Variants in NTRK2 observed in about 807,000 individuals in gnomAD.
NTRK2 encodes neurotrophic receptor tyrosine kinase 2, also known as BDNF/NT-3 growth factors receptor.
In NTRK2, 13 loss-of-function variants were observed where a neutral mutation model predicts 94.5. The ratio of observed to expected loss-of-function variants is 0.14; its 90% CI spans 0.09 to 0.22. The LOEUF (loss-of-function observed/expected upper bound fraction) is 0.22, where lower values mean the gene tolerates loss of function less well. Among genes scored for constraint, NTRK2 ranks in the 10% least tolerant of loss-of-function variants. NTRK2 has a pLI of 1.00. For synonymous variants in NTRK2, 372 were observed against 407.4 expected (o/e 0.91, Z 1.05); for missense variants, 639 against 1,071.2 (o/e 0.60, Z 5.63).
At chr9:85,000,620 A>G (rs117291051) in intron 17 of NTRK2, among the ~76,000 whole-genome samples, 1,858 of 152,284 alleles carry the variant, frequency 0.012, 29 homozygotes, top group Middle Eastern at 0.048. Context: ...GTTCTAAATA[A>G]TATTATATTG....
chr9:84,696,810 C>G (rs1333255674), intron 2 of NTRK2, among the ~76,000 whole-genome samples: 1 of 152,034 alleles, frequency 6.6e-6, no homozygotes, highest in African/African-American at 2.4e-5. Flanking sequence ...GTGGAGGGTC[C>G]TGGGATAGAT....
At chr9:84,771,574 A>C (rs1438762011) in intron 12 of NTRK2, among the ~76,000 whole-genome samples, 1 of 152,186 alleles carries the variant, frequency 6.6e-6, no homozygotes, top group African/African-American at 2.4e-5. Context: ...GAGACCTTTA[A>C]AGTTTCTGTA....
chr9:84,962,487 C>A (rs2133058998), intron 17 of NTRK2, among the ~76,000 whole-genome samples: 1 of 148,478 alleles, frequency 6.7e-6, no homozygotes, highest in East Asian at 1.9e-4. Context: ...CCTTGTGTCC[C>A]CTTTTTTTTT....
chr9:84,730,194 C>T (rs560519445), intron 9 of NTRK2, among the ~76,000 whole-genome samples: 18 of 152,114 alleles, frequency 1.2e-4, no homozygotes, highest in South Asian at 6.2e-4. Context: ...TTTTTGTTCT[C>T]TTTAAGTATT....
chr9:84,817,919 T>C (rs899559645), intron 12 of NTRK2, among the ~76,000 whole-genome samples: 3 of 152,236 alleles, frequency 2.0e-5, no homozygotes, highest in South Asian at 2.1e-4. Flanking sequence ...TTGCACTTTT[T>C]TCCTATCATT....
intron 9 of NTRK2, among the ~76,000 whole-genome samples, chr9:84,730,181 G>A (rs972738888): frequency 3.3e-5 from 5 of 151,992 alleles, no homozygotes; most frequent in Non-Finnish European, 5.9e-5. Flanking sequence ...AGAAAAGCCC[G>A]TTTTTTTGTT....
rs149166032 is a variant in NTRK2, at chr9:84,727,881, C to T, written c.1081C>T (p.Leu361=). The T allele has an allele frequency of 1.7e-5, 27 of 1,614,060 alleles. No homozygotes were observed. The African/African-American group carries it at 3.5e-4, about 21-fold the overall frequency. ...TCACATGAACAATGGGGACTACACTCTAATAGCCAAGAATGAGTATGGGAA... is the reference window on the plus strand; with the variant it reads ...TCACATGAACAATGGGGACTACACTTTAATAGCCAAGAATGAGTATGGGAA... ...PTHMNNGDYT[L]IAKNEYGKDE... The change falls in exon 9 of 19, where the codon CTA becomes TTA. Residue 361 remains leucine (L), a synonymous_variant. Coordinates refer to ENST00000277120, the MANE Select transcript of NTRK2 (RefSeq NM_006180.6).
At chr9:84,957,635 C>G (rs115595346) in intron 17 of NTRK2, among the ~76,000 whole-genome samples, 26 of 152,250 alleles carry the variant, frequency 1.7e-4, no homozygotes, top group African/African-American at 6.0e-4. Flanking sequence ...CTGGTACTCT[C>G]CTGGTGGGAA....
At chr9:84,984,036 C>A (rs2133253790) in intron 17 of NTRK2, among the ~76,000 whole-genome samples, 2 of 152,222 alleles carry the variant, frequency 1.3e-5, no homozygotes, top group African/African-American at 4.8e-5. Flanking sequence ...TTCATCATAT[C>A]CAAAATAGTA....
At chr9:84,872,666 T>C (rs2075909618) in intron 14 of NTRK2, 2 of 1,064,790 alleles carry the variant, frequency 1.9e-6, no homozygotes, top group African/African-American at 1.6e-5. Context: ...TTCTCCAGAG[T>C]GTGCCATACT....
chr9:84,696,911 A>G (rs2060413748), intron 2 of NTRK2, among the ~76,000 whole-genome samples: 1 of 152,190 alleles, frequency 6.6e-6, no homozygotes, highest in African/African-American at 2.4e-5. Flanking sequence ...ATGTGCAAAA[A>G]ATAACAGCAA....
At chr9:84,811,757 G>A in intron 12 of NTRK2, 1 of 1,065,608 alleles carries the variant, frequency 9.4e-7, no homozygotes, top group Non-Finnish European at 1.1e-6. Context: ...TTGCTGAGAG[G>A]GCAGCCTTAG....
At chr9:84,977,295 C>G (rs924497484) in intron 17 of NTRK2, among the ~76,000 whole-genome samples, 7 of 152,210 alleles carry the variant, frequency 4.6e-5, no homozygotes, top group African/African-American at 1.4e-4. Context: ...TAAGGCACAG[C>G]ACAGACTTCT....
chr9:84,885,131 C>T (rs1261252730), intron 14 of NTRK2, among the ~76,000 whole-genome samples: 1 of 152,214 alleles, frequency 6.6e-6, no homozygotes, highest in African/African-American at 2.4e-5. Context: ...TACTTTATAA[C>T]TTTCTAGGAT....
intron 14 of NTRK2, chr9:84,871,921 G>A: frequency 6.2e-7 from 1 of 1,609,686 alleles, no homozygotes; most frequent in South Asian, 1.1e-5. Context: ...TGCAAATTCT[G>A]GCCAGACAAC....
chr9:84,850,137 T>C (rs1012292388), intron 12 of NTRK2, among the ~76,000 whole-genome samples: 2 of 152,138 alleles, frequency 1.3e-5, no homozygotes, highest in African/African-American at 2.4e-5. Context: ...AGAGTAACTT[T>C]TAATGTGAAT....
intron 17 of NTRK2, among the ~76,000 whole-genome samples, chr9:85,010,691 A>G (rs551680519): frequency 6.6e-6 from 1 of 152,296 alleles, no homozygotes; most frequent in South Asian, 2.1e-4. Flanking sequence ...TGTTGTTACT[A>G]TCTAATTTTA....
At chr9:84,682,242 T>C (rs36117205) in intron 2 of NTRK2, among the ~76,000 whole-genome samples, 5,035 of 152,324 alleles carry the variant, frequency 0.033, 95 homozygotes, top group Admixed American at 0.046. Context: ...GCTTCTCATG[T>C]CTGGGAGCCT....
At chr9:84,981,078 T>C (rs2133227144) in intron 17 of NTRK2, among the ~76,000 whole-genome samples, 1 of 152,290 alleles carries the variant, frequency 6.6e-6, no homozygotes, top group South Asian at 2.1e-4. Flanking sequence ...GCTTTCAACA[T>C]TTAACTTTTG....
Sources: gnomAD v4.1 joint callset for allele counts (sites outside exome capture counted in the v4.1 genomes callset) on GRCh38, gnomAD v4.1.1 for gene constraint, MANE v1.5 for transcripts, NCBI Gene and HGNC (gene_info 2026-07-23, HGNC 2026-07-21) for gene names.